The following TPCN1 variants were observed in gnomAD, a reference collection of about 807,000 sequenced individuals.
TPCN1 encodes two pore channel protein 1.
TPCN1 carries 52 observed loss-of-function variants against 108.8 expected under a neutral mutation model. That is an observed-to-expected ratio of 0.48 (90% CI 0.38 to 0.60). The LOEUF (loss-of-function observed/expected upper bound fraction) is 0.60, where lower values mean the gene tolerates loss of function less well. Ranked by LOEUF, TPCN1 falls within the 20% of genes least tolerant of loss-of-function variation. The pLI is 0.00. For missense variants in TPCN1, 806 were observed against 1,072.8 expected, an observed-to-expected ratio of 0.75 and a Z score of 3.47; for synonymous variants, 446 against 433.7, an observed-to-expected ratio of 1.03 and a Z score of -0.35.
chr12:113,284,725 C>T lies in TPCN1; in HGVS notation c.1407C>T (p.Asn469=), dbSNP rs772063769. The T allele has an allele frequency of 9.9e-6, 16 of 1,614,244 alleles. No individual in the cohort carries two copies. The highest frequency in any genetic ancestry group is 1.6e-4 in the Middle Eastern group (1 of 6,062). Residue 469 remains asparagine (N), a synonymous_variant, in exon 17 of 28, where the codon AAC becomes AAT. Transcript: ENST00000335509. The surrounding 1 kb of genome is among the most constrained non-coding windows in gnomAD (Gnocchi z 4.1). ...TACTTCTCTGTCTTACAGGTGGGAACTTCTTCTCCAAGCACGTGCCCTGGA... is the reference window on the plus strand; with the variant it reads ...TACTTCTCTGTCTTACAGGTGGGAATTTCTTCTCCAAGCACGTGCCCTGGA... ...LVETFMLKGG[N]FFSKHVPWSY...
At position 113,269,784 on chromosome 12, in the gene TPCN1, G is replaced by C. The variant is rs556675131; in HGVS notation, c.687G>C (p.Leu229=). ...ACCTGCGGCAGATCTTCCAGTCCCT[G>C]CCGCCCTTCATGGACATCCTCCTGC... The part of the protein sequence containing the change: ...RRNLRQIFQS[L]PPFMDILLLL... The change falls in exon 7 of 28, where the codon CTG becomes CTC. Residue 229 remains leucine, a synonymous_variant. Transcript: ENST00000335509. The surrounding 1 kb of genome is among the most constrained non-coding windows in gnomAD (Gnocchi z 5.0). 6.0e-5 allele frequency: 97 copies of C among 1,613,828 alleles called. No individual in the cohort carries two copies. The East Asian group carries it at 2.0e-3, about 33-fold the overall frequency.
In TPCN1 at chr12:113,268,889, G is replaced by C; in HGVS notation, c.659+17G>C. On this transcript the variant is annotated intron_variant, in intron 6 of 27. Coordinates refer to ENST00000335509, the MANE Select transcript of TPCN1 (RefSeq NM_017901.6). This position sits in a 1 kb window ranked among gnomAD's most constrained non-coding sequence, Gnocchi z 7.3. Reference sequence around the variant, plus strand: ...CGTCCGGCGGTAAGGCCCGGGTGGGGAGCTGGGCAGTCACTATCCTGGCAT... The same window carrying C: ...CGTCCGGCGGTAAGGCCCGGGTGGGCAGCTGGGCAGTCACTATCCTGGCAT... The C allele has an allele frequency of 6.2e-7, 1 of 1,613,352 alleles. No individual in the cohort carries two copies. Among genetic ancestry groups the C allele is most frequent in the Non-Finnish European group, 8.5e-7 (1 of 1,179,726 alleles).
intron 27 of TPCN1, among the ~76,000 whole-genome samples, chr12:113,293,585 G>T (rs555703240): frequency 3.4e-4 from 52 of 152,308 alleles, no homozygotes; most frequent in African/African-American, 1.2e-3. Context: ...ATATGTCCCT[G>T]CCCCTTATGA....
intron 3 of TPCN1, among the ~76,000 whole-genome samples, chr12:113,261,184 C>T (rs1955016425): frequency 6.6e-6 from 1 of 151,730 alleles, no homozygotes; most frequent in South Asian, 2.1e-4. Context: ...ACTCTGTCTC[C>T]AAAACAAACA....
At chr12:113,223,867 G>A (rs966082315) in intron 1 of TPCN1, among the ~76,000 whole-genome samples, 3 of 152,106 alleles carry the variant, frequency 2.0e-5, no homozygotes, top group Non-Finnish European at 2.9e-5. Flanking sequence ...TAAATTGGGA[G>A]TTAAGGATGA....
chr12:113,268,808 C>T lies in TPCN1; in HGVS notation c.595C>T (p.Arg199Trp), dbSNP rs868077762. 4 of 1,614,014 alleles carry T rather than the reference C, an allele frequency of 2.5e-6. No individual in the cohort carries two copies. Among genetic ancestry groups the T allele is most frequent in the East Asian group, 2.2e-5 (1 of 44,880 alleles). The change falls in exon 6 of 28, where the codon CGG becomes TGG. Residue 199 changes from arginine to tryptophan, a missense_variant. Transcript: ENST00000335509. The surrounding 1 kb of genome is among the most constrained non-coding windows in gnomAD (Gnocchi z 7.3). ...GTTGGTACGGCAGATGTCCCATGTG[C>T]GGGTGACCCGAGCACTGCGCTGCAT... is the stretch of plus-strand genomic sequence containing the variant. ...VVLVRQMSHV[R>W]VTRALRCIFL...
chr12:113,278,385 G>A (rs1359059819), intron 13 of TPCN1, 148 bp downstream of exon 13: 5 of 718,654 alleles, frequency 7.0e-6, no homozygotes, highest in Middle Eastern at 6.5e-4. Flanking sequence ...GGGATCACAG[G>A]TGGCCCCAGC....
intron 3 of TPCN1, among the ~76,000 whole-genome samples, chr12:113,264,288 T>G (rs749250814): frequency 6.6e-6 from 1 of 152,218 alleles, no homozygotes; most frequent in Non-Finnish European, 1.5e-5. Context: ...TTTGTCTCGA[T>G]TTTTTGCTAA....
At chr12:113,263,804 A>C (rs1005116338) in intron 3 of TPCN1, among the ~76,000 whole-genome samples, 2 of 152,222 alleles carry the variant, frequency 1.3e-5, no homozygotes, top group Middle Eastern at 6.3e-3. Flanking sequence ...CGGAGAGCAA[A>C]GGCCTAGAAA....
At chr12:113,290,840 G>A (rs1269375986) in intron 22 of TPCN1, 112 bp from the exon 23 acceptor site, 9 of 1,008,596 alleles carry the variant, frequency 8.9e-6, no homozygotes, top group Admixed American at 5.1e-5. Flanking sequence ...CGGTCATATG[G>A]TGACCCTCTC....
intron 17 of TPCN1, among the ~76,000 whole-genome samples, chr12:113,285,524 C>T (rs993940989): frequency 6.6e-6 from 1 of 152,166 alleles, no homozygotes; most frequent in African/African-American, 2.4e-5. Flanking sequence ...AGGCACACAG[C>T]GCCACAATGC....
intron 10 of TPCN1, among the ~76,000 whole-genome samples, chr12:113,275,023 C>G (rs1161562540): frequency 6.6e-6 from 1 of 152,184 alleles, no homozygotes; most frequent in Non-Finnish European, 1.5e-5. Flanking sequence ...CCAGGAGTGT[C>G]CCAGCCATCA....
chr12:113,276,026 C>G (rs551771127), intron 10 of TPCN1, among the ~76,000 whole-genome samples: 1 of 152,166 alleles, frequency 6.6e-6, no homozygotes, highest in Non-Finnish European at 1.5e-5. Context: ...GGCCCATGGC[C>G]TGTGTTTGTA....
intron 2 of TPCN1, among the ~76,000 whole-genome samples, chr12:113,238,164 C>T (rs1464521363): frequency 1.3e-5 from 2 of 152,190 alleles, no homozygotes; most frequent in Non-Finnish European, 2.9e-5. Flanking sequence ...TCCTCATAGC[C>T]ACACTTCCGG....
chr12:113,248,694 C>T (rs914276879), intron 2 of TPCN1, among the ~76,000 whole-genome samples: 1 of 152,118 alleles, frequency 6.6e-6, no homozygotes, highest in South Asian at 2.1e-4. Flanking sequence ...GGAGAGGTTG[C>T]GGGTCAGGTT....
Position 113,272,629 on chromosome 12 carries a change from T to G in TPCN1, c.749-29T>G. The G allele has an allele frequency of 1.2e-6, 2 of 1,610,298 alleles. No individual in the cohort carries two copies. Among genetic ancestry groups the G allele is most frequent in the Non-Finnish European group, 1.7e-6 (2 of 1,176,460 alleles). On this transcript the variant is annotated intron_variant, in intron 7 of 27. Transcript: ENST00000335509. This position sits in a 1 kb window ranked among gnomAD's most constrained non-coding sequence, Gnocchi z 4.1. ...GTTTTGGGACCTCTGCTCTAATCCT[T>G]TTGTTTATCTGTTTCCACCCACTTC...
chr12:113,273,386 A>C lies in TPCN1; in HGVS notation c.842+96A>C. 1.4e-6 allele frequency: 2 copies of C among 1,411,966 alleles called. No homozygotes were observed. Among genetic ancestry groups the C allele is most frequent in the Non-Finnish European group, 1.0e-6 (1 of 997,744 alleles). 87.5% of individuals were successfully genotyped at this position (1,411,966 alleles called of 1,614,324 possible). On this transcript the variant is annotated intron_variant, in intron 9 of 27. Transcript: ENST00000335509. The surrounding 1 kb of genome is among the most constrained non-coding windows in gnomAD (Gnocchi z 4.0). ...GTATATTCCACATCCCAGCACAGGCAGGTGCTGTGGTGCTATTGGGAGACA... is the reference window on the plus strand; with the variant it reads ...GTATATTCCACATCCCAGCACAGGCCGGTGCTGTGGTGCTATTGGGAGACA...
chr12:113,266,350 C>T lies in TPCN1; in HGVS notation c.408C>T (p.Gly136=), dbSNP rs1463843794. ...EAPAVPALRL[G]IYVHATLELF... ...CCGCCGTCCCCGCACTCCGGCTTGG[C>T]ATCTATGTGAGCGCACATGCTCCTC... The change falls in exon 4 of 28, where the codon GGC becomes GGT. Residue 136 remains glycine, a synonymous_variant. Coordinates refer to ENST00000335509, the MANE Select transcript of TPCN1 (RefSeq NM_017901.6). The surrounding 1 kb of genome is among the most constrained non-coding windows in gnomAD (Gnocchi z 4.2). 6.2e-7 allele frequency: 1 copy of T among 1,606,686 alleles called. No individual in the cohort carries two copies. Among genetic ancestry groups the T allele is most frequent in the Non-Finnish European group, 8.5e-7 (1 of 1,179,928 alleles).
At position 113,266,090 on chromosome 12, in the gene TPCN1, G is replaced by T; in HGVS notation, c.238-90G>T. The T allele has an allele frequency of 2.1e-6, 3 of 1,404,144 alleles. No homozygotes were observed. The highest frequency in any genetic ancestry group is 3.0e-6 in the Non-Finnish European group (3 of 1,011,778). The allele number at this position is 1,404,144 out of a possible 1,614,324, so 87.0% of individuals were successfully genotyped here. On this transcript the variant is annotated intron_variant, in intron 3 of 27. Coordinates refer to ENST00000335509, the MANE Select transcript of TPCN1 (RefSeq NM_017901.6). This position sits in a 1 kb window ranked among gnomAD's most constrained non-coding sequence, Gnocchi z 4.2. Reference sequence around the variant, plus strand: ...GCCTGAATCTCTCCTCGCCTGCCTGGGGCCTTCCTTTCCTCCCCTGCCCGC... The same window carrying T: ...GCCTGAATCTCTCCTCGCCTGCCTGTGGCCTTCCTTTCCTCCCCTGCCCGC...
Sources: allele counts gnomAD v4.1 joint callset (sites outside exome capture counted in the v4.1 genomes callset), GRCh38; gene constraint gnomAD v4.1.1; non-coding constraint Gnocchi (gnomAD v3.1); transcripts MANE v1.5; gene names NCBI Gene and HGNC (gene_info 2026-07-23, HGNC 2026-07-21).